TMEM117: variants seen among roughly 807,000 people sequenced by gnomAD.
TMEM117 encodes the protein transmembrane protein 117.
A neutral mutation model predicts 52.4 loss-of-function variants in TMEM117; 27 were observed. The observed-to-expected ratio is 0.51, with a 90% CI of 0.38 to 0.71. The LOEUF is 0.71. Ranked by LOEUF, TMEM117 falls within the 30% of genes least tolerant of loss-of-function variation. TMEM117 has a pLI of 0.00. For missense variants in TMEM117, 556 were observed against 630.5 expected, an observed-to-expected ratio of 0.88 and a Z score of 1.26; for synonymous variants, 215 against 206.3, an observed-to-expected ratio of 1.04 and a Z score of -0.36.
At chr12:43,958,612 C>T (rs1331180989) in intron 3 of TMEM117, among the ~76,000 whole-genome samples, 4 of 152,166 alleles carry the variant, frequency 2.6e-5, no homozygotes, top group African/African-American at 9.7e-5. Context: ...GGAATAGACT[C>T]TGTCTCTCTG....
chr12:43,891,904 A>G (rs1374965169), intron 2 of TMEM117, among the ~76,000 whole-genome samples: 1 of 152,126 alleles, frequency 6.6e-6, no homozygotes, highest in Admixed American at 6.5e-5. Context: ...TCCCGTGGAA[A>G]ATATACTTTA....
intron 3 of TMEM117, among the ~76,000 whole-genome samples, chr12:43,981,048 C>G (rs1945752065): frequency 6.6e-6 from 1 of 152,148 alleles, no homozygotes; most frequent in South Asian, 2.1e-4. Flanking sequence ...AGGGTAAGAA[C>G]AGCTGCCTTC....
rs534060275 is a variant in TMEM117, at chr12:44,093,574, A to G, written c.411-49951A>G. Reference sequence around the variant, plus strand: ...AGGTGATGGATGTTAACAAAAAACCATGTTTGATTTCTCAATCCAACCATG... The same window carrying G: ...AGGTGATGGATGTTAACAAAAAACCGTGTTTGATTTCTCAATCCAACCATG... On this transcript the variant is annotated intron_variant, in intron 3 of 7. Transcript: ENST00000266534. 5.4e-4 allele frequency among the ~76,000 whole-genome samples: 82 copies of G among 152,278 alleles called. 1 individual carries two copies. The highest frequency in any genetic ancestry group is 7.8e-4 in the Non-Finnish European group (53 of 68,014).
intron 3 of TMEM117, among the ~76,000 whole-genome samples, chr12:44,087,990 A>G (rs540168385): frequency 6.6e-6 from 1 of 152,328 alleles, no homozygotes; most frequent in South Asian, 2.1e-4. Context: ...CCAAACATTT[A>G]CTTTAGAAAA....
At chr12:43,890,400 C>T (rs968264370) in intron 2 of TMEM117, among the ~76,000 whole-genome samples, 6 of 152,080 alleles carry the variant, frequency 3.9e-5, no homozygotes, top group African/African-American at 1.4e-4. Context: ...TCTCTTCATT[C>T]AAATGAGAAT....
chr12:44,356,153 A>G (rs1951645308), intron 6 of TMEM117, among the ~76,000 whole-genome samples: 1 of 152,238 alleles, frequency 6.6e-6, no homozygotes, highest in South Asian at 2.1e-4. Flanking sequence ...AGGTCCTGAA[A>G]TGCCTTAAAG....
chr12:44,038,212 G>GGAGAGAA (rs1241282086), intron 3 of TMEM117, among the ~76,000 whole-genome samples: 1 of 152,140 alleles, frequency 6.6e-6, no homozygotes, highest in Admixed American at 6.5e-5. Context: ...GTGACAAGAA[G>GGAGAGAA]GAGAGAAGAG....
intron 3 of TMEM117, among the ~76,000 whole-genome samples, chr12:44,136,228 A>T (rs1303607760): frequency 6.6e-6 from 1 of 152,166 alleles, no homozygotes. Context: ...TCAGGATTTT[A>T]AAGCTTGGTT....
intron 3 of TMEM117, among the ~76,000 whole-genome samples, chr12:44,043,186 G>A (rs1592467569): frequency 1.3e-5 from 2 of 152,174 alleles, no homozygotes; most frequent in East Asian, 3.9e-4. Context: ...GATGAACTCA[G>A]GGATTTTGTT....
intron 3 of TMEM117, among the ~76,000 whole-genome samples, chr12:44,055,678 TAAATTAG>T (rs772127958): frequency 2.6e-5 from 4 of 152,160 alleles, no homozygotes; most frequent in Non-Finnish European, 2.9e-5. Flanking sequence ...AAATCAAGAT[TAAATTAG>T]TTAATATTTG....
chr12:43,874,105 A>G (rs1943751798), intron 2 of TMEM117, among the ~76,000 whole-genome samples: 3 of 151,880 alleles, frequency 2.0e-5, no homozygotes, highest in Admixed American at 6.6e-5. Context: ...CCACATTGGT[A>G]ATTATTGCTT....
intron 3 of TMEM117, among the ~76,000 whole-genome samples, chr12:44,086,952 T>C (rs985857505): frequency 2.7e-5 from 4 of 147,600 alleles, no homozygotes; most frequent in South Asian, 2.1e-4. Context: ...AATTATATAA[T>C]ATATAATTAA....
the TMEM117 span, chr12:43,804,674 G>A: frequency 5.8e-6 from 4 of 691,116 alleles, no homozygotes; most frequent in South Asian, 2.0e-5. Flanking sequence ...AAAATCTGGA[G>A]CATGTAGCAT....
At chr12:43,799,166 C>A in the TMEM117 span, among the ~76,000 whole-genome samples, 1 of 152,012 alleles carries the variant, frequency 6.6e-6, no homozygotes, top group Admixed American at 6.6e-5. Flanking sequence ...ACTATTCTGA[C>A]ATGAAGATTA....
At chr12:43,912,876 G>T (rs1944537919) in intron 2 of TMEM117, among the ~76,000 whole-genome samples, 1 of 151,992 alleles carries the variant, frequency 6.6e-6, no homozygotes, top group Non-Finnish European at 1.5e-5. Flanking sequence ...TGTCTGCCAT[G>T]TTTTTGCATG....
the TMEM117 span, chr12:43,805,961 T>C: frequency 6.5e-7 from 1 of 1,543,586 alleles, no homozygotes; most frequent in Non-Finnish European, 8.7e-7. Flanking sequence ...CCAGGCCGCC[T>C]CGAAAGCCAA....
intron 2 of TMEM117, among the ~76,000 whole-genome samples, chr12:43,939,834 AC>A (rs1945015132): frequency 6.6e-6 from 1 of 152,060 alleles, no homozygotes; most frequent in Non-Finnish European, 1.5e-5. Flanking sequence ...GATTTAATCG[AC>A]TCTTAATTCC....
intron 3 of TMEM117, among the ~76,000 whole-genome samples, chr12:43,995,699 A>T (rs1206555373): frequency 6.6e-6 from 1 of 152,192 alleles, no homozygotes; most frequent in Non-Finnish European, 1.5e-5. Flanking sequence ...AGATAATGCT[A>T]GCTAGTGATC....
chr12:44,181,643 TGTTAAAGATCAGATA>T (rs1296019762), intron 4 of TMEM117, among the ~76,000 whole-genome samples: 2 of 152,052 alleles, frequency 1.3e-5, no homozygotes, highest in Non-Finnish European at 2.9e-5. Flanking sequence ...TTGTCAGGTT[TGTTAAAGATCAGATA>T]GTTGTAGATA....
Sources: allele counts gnomAD v4.1 joint callset (sites outside exome capture counted in the v4.1 genomes callset), GRCh38; gene constraint gnomAD v4.1.1; transcripts MANE v1.5; gene names NCBI Gene and HGNC (gene_info 2026-07-23, HGNC 2026-07-21).